The following ROBO2 variants were observed in gnomAD, a reference collection of about 807,000 sequenced individuals.
The protein encoded by ROBO2 is roundabout guidance receptor 2.
A neutral mutation model predicts 160.8 loss-of-function variants in ROBO2; 53 were observed. The observed-to-expected ratio is 0.33, with a 90% confidence interval of 0.26 to 0.41. The LOEUF is 0.41. ROBO2 is among the 10% of genes least tolerant of loss of function. The pLI is 1.00. For missense variants in ROBO2, 1,577 were observed against 1,722.4 expected, an observed-to-expected ratio of 0.92 and a Z score of 1.49; for synonymous variants, 664 against 611.7, an observed-to-expected ratio of 1.09 and a Z score of -1.26.
chr3:77,053,867 TA>T (rs2065455927), intron 1 of ROBO2, among the ~76,000 whole-genome samples: 1 of 152,122 alleles, frequency 6.6e-6, no homozygotes, highest in African/African-American at 2.4e-5. Context: ...TGGGGATAAG[TA>T]CAGGAGTTGG....
chr3:76,201,087 A>G (rs1702503494), intron 2 of ROBO2, among the ~76,000 whole-genome samples: 1 of 152,162 alleles, frequency 6.6e-6, no homozygotes, highest in African/African-American at 2.4e-5. Context: ...AAGACAGGCT[A>G]ATTTTGCAAA....
At chr3:76,890,296 T>C (rs1420361969) in intron 2 of ROBO2, among the ~76,000 whole-genome samples, 1 of 152,192 alleles carries the variant, frequency 6.6e-6, no homozygotes, top group Non-Finnish European at 1.5e-5. Context: ...AAATTGAGGC[T>C]AAGAAGAATG....
Position 77,153,805 on chromosome 3 carries a change from C to T in ROBO2, c.388+55465C>T, listed in dbSNP as rs1399504713. ...CTTGATATGATTCAATCCAACCCTCCATCTAATAATGATTCTTTGACATTT... is the reference window on the plus strand; with the variant it reads ...CTTGATATGATTCAATCCAACCCTCTATCTAATAATGATTCTTTGACATTT... On this transcript the variant is annotated intron_variant, in intron 2 of 25. Transcript: ENST00000461745. Among the ~76,000 whole-genome samples, 3 of 152,190 alleles carry T rather than the reference C, an allele frequency of 2.0e-5. No homozygotes were observed. In the East Asian group the frequency reaches 5.8e-4, roughly 29 times the overall value.
intron 2 of ROBO2, among the ~76,000 whole-genome samples, chr3:76,821,432 G>A (rs950911081): frequency 5.3e-5 from 8 of 151,962 alleles, no homozygotes; most frequent in Non-Finnish European, 1.0e-4. Flanking sequence ...GCTACGAACT[G>A]AAACTCAATT....
At chr3:77,501,324 T>G (rs1214530371) in intron 5 of ROBO2, among the ~76,000 whole-genome samples, 1 of 152,194 alleles carries the variant, frequency 6.6e-6, no homozygotes, top group East Asian at 1.9e-4. Flanking sequence ...AAAAAGTTGT[T>G]TAATTAATTA....
intron 2 of ROBO2, among the ~76,000 whole-genome samples, chr3:77,321,460 T>G (rs1228402912): frequency 6.6e-6 from 1 of 151,856 alleles, no homozygotes; most frequent in South Asian, 2.1e-4. Flanking sequence ...GAAGCTGCAG[T>G]GAGCTGTGAT....
intron 2 of ROBO2, among the ~76,000 whole-genome samples, chr3:76,726,094 TA>T (rs2093548568): frequency 6.6e-6 from 1 of 152,206 alleles, no homozygotes. Flanking sequence ...TGTTTTTTCT[TA>T]GTTAATTAAA....
At chr3:76,728,062 C>T (rs957194520) in intron 2 of ROBO2, among the ~76,000 whole-genome samples, 1 of 151,696 alleles carries the variant, frequency 6.6e-6, no homozygotes, top group African/African-American at 2.4e-5. Context: ...AATGAAAAAA[C>T]ACCGAGAAAT....
chr3:76,527,722 A>T (rs966062675), intron 2 of ROBO2, among the ~76,000 whole-genome samples: 11 of 152,292 alleles, frequency 7.2e-5, no homozygotes, highest in South Asian at 4.1e-4. Context: ...TAAGGAAAAC[A>T]TATAGCACAT....
intron 2 of ROBO2, among the ~76,000 whole-genome samples, chr3:77,296,705 A>T (rs115479801): frequency 3.9e-5 from 6 of 152,290 alleles, no homozygotes; most frequent in African/African-American, 1.4e-4. Context: ...GCCTTGTGGT[A>T]AGATGAATCA....
At chr3:76,689,440 T>G (rs1365800831) in intron 2 of ROBO2, among the ~76,000 whole-genome samples, 1 of 152,086 alleles carries the variant, frequency 6.6e-6, no homozygotes, top group African/African-American at 2.4e-5. Context: ...ATTTGTATAT[T>G]TTTCCATCAT....
chr3:76,702,403 G>T (rs2093063964), intron 2 of ROBO2, among the ~76,000 whole-genome samples: 1 of 151,958 alleles, frequency 6.6e-6, no homozygotes, highest in Non-Finnish European at 1.5e-5. Flanking sequence ...TAATTCCAGT[G>T]CTGTGAAAAC....
intron 2 of ROBO2, among the ~76,000 whole-genome samples, chr3:75,983,034 G>A (rs1169084511): frequency 6.6e-6 from 1 of 151,488 alleles, no homozygotes; most frequent in East Asian, 1.9e-4. Flanking sequence ...TAGAAATGCA[G>A]TTGAGTCAAA....
chr3:76,075,189 G>T (rs2068604759), intron 2 of ROBO2, among the ~76,000 whole-genome samples: 1 of 151,788 alleles, frequency 6.6e-6, no homozygotes, highest in Non-Finnish European at 1.5e-5. Context: ...TGCTTTCTGT[G>T]CCAGGGCCAC....
chr3:76,168,787 A>T (rs2072928192), intron 2 of ROBO2, among the ~76,000 whole-genome samples: 1 of 151,968 alleles, frequency 6.6e-6, no homozygotes, highest in African/African-American at 2.4e-5. Flanking sequence ...ATATAAGTGT[A>T]ATGCAATGTA....
At chr3:77,360,825 C>T (rs1476113874) in intron 2 of ROBO2, among the ~76,000 whole-genome samples, 5 of 151,984 alleles carry the variant, frequency 3.3e-5, no homozygotes, top group African/African-American at 1.2e-4. Context: ...CATCTGACCA[C>T]ATTCTATATT....
chr3:77,031,343 G>A (rs1303073847), intron 2 of ROBO2, among the ~76,000 whole-genome samples: 1 of 150,538 alleles, frequency 6.6e-6, no homozygotes, highest in African/African-American at 2.4e-5. Flanking sequence ...GGTTCTTGGG[G>A]CAAAAAAACA....
intron 3 of ROBO2, among the ~76,000 whole-genome samples, chr3:77,477,914 C>T (rs1399518117): frequency 7.0e-6 from 1 of 142,366 alleles, no homozygotes; most frequent in Non-Finnish European, 1.5e-5. Flanking sequence ...GCAACCTCTG[C>T]CTCCCGGTTT....
At chr3:76,555,387 G>A (rs936256659) in intron 2 of ROBO2, among the ~76,000 whole-genome samples, 1 of 68,232 alleles carries the variant, frequency 1.5e-5, no homozygotes, top group African/African-American at 3.0e-5. Context: ...AGAAGAAGAA[G>A]AAGAAGAAGA....
Sources: gnomAD v4.1 joint callset for allele counts (sites outside exome capture counted in the v4.1 genomes callset) on GRCh38, gnomAD v4.1.1 for gene constraint, MANE v1.5 for transcripts, NCBI Gene and HGNC (gene_info 2026-07-23, HGNC 2026-07-21) for gene names.